TSNAX: variants seen among roughly 807,000 people sequenced by gnomAD.
The protein encoded by TSNAX is translin associated factor X, also known as translin-associated protein X.
In TSNAX, 12 loss-of-function variants were observed where a neutral mutation model predicts 33.0. The observed-to-expected ratio is 0.36, with a 90% CI of 0.23 to 0.59. The LOEUF is 0.59. Among genes scored for constraint, TSNAX ranks in the 20% least tolerant of loss-of-function variants. TSNAX has a pLI of 0.74. For synonymous variants in TSNAX, 110 were observed against 117.2 expected (o/e 0.94, Z 0.40); for missense variants, 267 against 341.3 (o/e 0.78, Z 1.72).
intron 5 of TSNAX, among the ~76,000 whole-genome samples, chr1:231,563,924 A>G (rs1004909732): frequency 6.6e-6 from 1 of 151,744 alleles, no homozygotes; most frequent in Non-Finnish European, 1.5e-5. Flanking sequence ...ATTTTTTTTT[A>G]ACTCAGTGAG....
chr1:231,540,730 A>G (rs1659523950), intron 3 of TSNAX, among the ~76,000 whole-genome samples: 1 of 152,310 alleles, frequency 6.6e-6, no homozygotes, highest in African/African-American at 2.4e-5. Flanking sequence ...AAAGAGGGTG[A>G]CCTCTCTTGA....
rs552934417 is a variant in TSNAX, at chr1:231,544,971, T to C, written c.367+2360T>C. 7.9e-5 allele frequency among the ~76,000 whole-genome samples: 12 copies of C among 152,312 alleles called. No individual in the cohort carries two copies. The South Asian group carries it at 2.1e-3, about 26-fold the overall frequency. On this transcript the variant is annotated intron_variant, in intron 4 of 5. Coordinates refer to ENST00000366639, the MANE Select transcript of TSNAX (RefSeq NM_005999.3). ...TCGTTTATGATTTGTAAGTTTCCTT[T>C]GAAGATAACTTACTCATGGATTAAA...
intron 4 of TSNAX, among the ~76,000 whole-genome samples, chr1:231,544,088 T>C (rs545033549): frequency 2.0e-5 from 3 of 152,066 alleles, no homozygotes; most frequent in East Asian, 1.9e-4. Flanking sequence ...TCAGACAGAG[T>C]AGTCCTGCTA....
At chr1:231,532,310 A>C (rs113872448) in intron 2 of TSNAX, among the ~76,000 whole-genome samples, 2 of 150,936 alleles carry the variant, frequency 1.3e-5, no homozygotes, top group Non-Finnish European at 3.0e-5. Context: ...TCCCACCTCA[A>C]CCTCCCAAGT....
chr1:231,555,551 G>A (rs1660630178), intron 4 of TSNAX, among the ~76,000 whole-genome samples: 1 of 152,098 alleles, frequency 6.6e-6, no homozygotes, highest in Admixed American at 6.5e-5. Flanking sequence ...CTTAAAAATG[G>A]CTAAGCTGGT....
chr1:231,529,218 A>G, intron 1 of TSNAX, 37 bp from the exon 2 acceptor site: 2 of 1,601,962 alleles, frequency 1.2e-6, no homozygotes, highest in South Asian at 1.1e-5. Flanking sequence ...ACTCTTGGTG[A>G]TGGAAGATCC....
chr1:231,547,722 G>A (rs888841465), intron 4 of TSNAX, among the ~76,000 whole-genome samples: 4 of 151,092 alleles, frequency 2.6e-5, no homozygotes, highest in African/African-American at 7.3e-5. Context: ...AAACCAAAAA[G>A]TATTTGAGAA....
At position 231,561,119 on chromosome 1, in the gene TSNAX, C is replaced by G. The variant is rs373254783; in HGVS notation, c.368-9C>G. 1 of 1,602,692 alleles carries G rather than the reference C, an allele frequency of 6.2e-7. No homozygotes were observed. The highest frequency in any genetic ancestry group is 1.8e-5 in the Admixed American group (1 of 56,984). ...TTATTCTTAGTAATTTTCTTTGTCA[C>G]GCTTTCAGGACTACAGGAATATGTG... On this transcript the variant is annotated splice_polypyrimidine_tract_variant and intron_variant, in intron 4 of 5. Transcript: ENST00000366639.
chr1:231,543,040 C>T (rs898052916), intron 4 of TSNAX, among the ~76,000 whole-genome samples: 1 of 151,688 alleles, frequency 6.6e-6, no homozygotes, highest in Non-Finnish European at 1.5e-5. Flanking sequence ...TAGCCAGGTG[C>T]GTTGGCGGGC....
In TSNAX at chr1:231,560,049, G is replaced by T. The variant is rs553352891; in HGVS notation, c.368-1079G>T. 1.1e-4 allele frequency among the ~76,000 whole-genome samples: 17 copies of T among 149,988 alleles called. No individual in the cohort carries two copies. The South Asian group carries it at 3.6e-3, about 32-fold the overall frequency. ...GGCCGCAGTGCAGTGGCATGATCTT[G>T]GCTCACTGCAAGCTCTGCTTCCCGG... On this transcript the variant is annotated intron_variant, in intron 4 of 5. Transcript: ENST00000366639.
rs147799588 is a variant in TSNAX, at chr1:231,542,880, A to T, written c.367+269A>T. The stretch of plus-strand genomic sequence containing the variant: ...TGAACTTTATTCTTGAGTATGTAGG[A>T]TGTGTTCAGACAGGGCACATCTCAG... On this transcript the variant is annotated intron_variant, in intron 4 of 5. Transcript: ENST00000366639. 2.5e-4 allele frequency: 68 copies of T among 269,912 alleles called. 1 individual carries two copies. Among genetic ancestry groups the T allele is most frequent in the African/African-American group, 1.4e-3 (63 of 44,548 alleles). The allele number at this position is 269,912 out of a possible 1,614,324, so 16.7% of individuals were successfully genotyped here. A position where few individuals can be genotyped will look rare whatever the true frequency, so the allele number is the denominator to read the frequency against.
At chr1:231,532,574 GA>G (rs1051121405) in intron 2 of TSNAX, among the ~76,000 whole-genome samples, 3 of 151,260 alleles carry the variant, frequency 2.0e-5, no homozygotes, top group Non-Finnish European at 2.9e-5. Context: ...TAATAAACTT[GA>G]AAAAAAAGGT....
intron 2 of TSNAX, chr1:231,536,646 T>C (rs1659193924): frequency 6.6e-6 from 1 of 152,236 alleles, no homozygotes; most frequent in African/African-American, 2.4e-5. Flanking sequence ...CCTCTTGAGC[T>C]ACTTTAGCGC....
At chr1:231,536,033 C>G (rs1659146427) in intron 2 of TSNAX, 1 of 152,196 alleles carries the variant, frequency 6.6e-6, no homozygotes, top group African/African-American at 2.4e-5. Flanking sequence ...CTCCTACTTT[C>G]AGTTCTCTTC....
chr1:231,535,517 T>C (rs750075173), intron 2 of TSNAX: 25 of 152,210 alleles, frequency 1.6e-4, no homozygotes, highest in Non-Finnish European at 3.1e-4. Context: ...TGTTTGGCAG[T>C]CTCAAGTTAG....
intron 3 of TSNAX, among the ~76,000 whole-genome samples, chr1:231,540,980 A>T (rs74623183): frequency 0.021 from 3,135 of 151,956 alleles, 49 homozygotes; most frequent in Non-Finnish European, 0.033. Context: ...TTTATTTTTA[A>T]TCTATTTGTG....
At chr1:231,537,068 T>C (rs1007681049) in intron 2 of TSNAX, 145 bp from the exon 3 acceptor site, 4 of 528,884 alleles carry the variant, frequency 7.6e-6, no homozygotes, top group Admixed American at 7.5e-5. Flanking sequence ...CTTGACCTCA[T>C]GATCCACCTA....
chr1:231,537,978 C>G lies in TSNAX; in HGVS notation c.236+651C>G, dbSNP rs150602800. Among the ~76,000 whole-genome samples, 14 of 152,234 alleles carry G rather than the reference C, an allele frequency of 9.2e-5. No homozygotes were observed. The East Asian group carries it at 2.7e-3, about 29-fold the overall frequency. On this transcript the variant is annotated intron_variant, in intron 3 of 5. Coordinates refer to ENST00000366639, the MANE Select transcript of TSNAX (RefSeq NM_005999.3). Reference sequence around the variant, plus strand: ...AATCTGCATAACCTATTTTCTCGTTCATTTTTGAACTCATGGCAGTCTGGC... The same window carrying G: ...AATCTGCATAACCTATTTTCTCGTTGATTTTTGAACTCATGGCAGTCTGGC...
At chr1:231,534,910 G>C (rs1659057466) in intron 2 of TSNAX, 1 of 152,238 alleles carries the variant, frequency 6.6e-6, no homozygotes, top group South Asian at 2.1e-4. Context: ...ATGTAAATCA[G>C]TGAAGCGTGG....
Sources: allele counts gnomAD v4.1 joint callset (sites outside exome capture counted in the v4.1 genomes callset), GRCh38; gene constraint gnomAD v4.1.1; transcripts MANE v1.5; gene names NCBI Gene and HGNC (gene_info 2026-07-23, HGNC 2026-07-21).